Variants in CFAP20DC observed in about 807,000 individuals in gnomAD.
CFAP20DC encodes the protein CFAP20 domain containing.
CFAP20DC carries 84 observed loss-of-function variants against 101.7 expected under a neutral mutation model. The observed-to-expected ratio is 0.83, with a 90% CI of 0.69 to 0.99. The LOEUF (loss-of-function observed/expected upper bound fraction) is 0.99, where lower values mean the gene tolerates loss of function less well. Ranked by LOEUF, CFAP20DC falls within the 50% of genes least tolerant of loss-of-function variation. The pLI, the probability that CFAP20DC is intolerant of heterozygous loss-of-function variation, is 0.00. For synonymous variants in CFAP20DC, 359 were observed against 351.2 expected, an observed-to-expected ratio of 1.02 and a Z score of -0.25; for missense variants, 1,007 against 970.3, an observed-to-expected ratio of 1.04 and a Z score of -0.50.
chr3:58,936,988 A>C (rs2087767595), intron 5 of CFAP20DC, among the ~76,000 whole-genome samples: 1 of 152,124 alleles, frequency 6.6e-6, no homozygotes, highest in Non-Finnish European at 1.5e-5. Context: ...TGTTGATTTA[A>C]AGGAAAGTAT....
chr3:58,760,898 G>A (rs2069508517), intron 15 of CFAP20DC, among the ~76,000 whole-genome samples: 1 of 152,176 alleles, frequency 6.6e-6, no homozygotes, highest in Admixed American at 6.5e-5. Flanking sequence ...CTTGATCATG[G>A]TGGATAAGCT....
chr3:58,959,839 C>T (rs1357105743), intron 4 of CFAP20DC, among the ~76,000 whole-genome samples: 2 of 152,168 alleles, frequency 1.3e-5, no homozygotes, highest in Non-Finnish European at 2.9e-5. Flanking sequence ...AATGAATTTG[C>T]AGAAGATTGT....
In CFAP20DC at chr3:58,896,199, C is replaced by A. The variant is rs576202304; in HGVS notation, c.551-11490G>T. Among the ~76,000 whole-genome samples the A allele has an allele frequency of 3.3e-5, 5 of 152,284 alleles. No homozygotes were observed. The South Asian group carries it at 1.0e-3, about 32-fold the overall frequency. On this transcript the variant is annotated intron_variant, in intron 6 of 16. Coordinates refer to ENST00000482387, the MANE Select transcript of CFAP20DC (RefSeq NM_001394063.1). ...TGTGCATAGAGGTGTTTATACTATT[C>A]TCTGATGGTTGTTTGCAATTTTGTG...
intron 4 of CFAP20DC, among the ~76,000 whole-genome samples, chr3:58,961,727 G>GT (rs148888861): frequency 3.8e-4 from 55 of 146,198 alleles, no homozygotes; most frequent in East Asian, 6.0e-4. Flanking sequence ...GAAATTTTCT[G>GT]TTTTTTTTTT....
At chr3:58,754,858 C>G (rs980709668) in intron 15 of CFAP20DC, among the ~76,000 whole-genome samples, 8 of 152,040 alleles carry the variant, frequency 5.3e-5, no homozygotes, top group African/African-American at 1.9e-4. Flanking sequence ...GAGATAATAA[C>G]AAAAGAGTTG....
rs1010723482 is a variant in CFAP20DC, at chr3:59,007,251, T to C, written c.278+32306A>G. 6.6e-6 allele frequency among the ~76,000 whole-genome samples: 1 copy of C among 152,172 alleles called. No homozygotes were observed. Among genetic ancestry groups the C allele is most frequent in the African/African-American group, 2.4e-5 (1 of 41,434 alleles). On this transcript the variant is annotated intron_variant, in intron 4 of 16. Transcript: ENST00000482387. The surrounding 1 kb of genome is among the most constrained non-coding windows in gnomAD (Gnocchi z 4.4). ...CTGCCCCCATCTGAAGGTACTCCTC[T>C]ACCCGCCCTGGTAGCTGAACACAAA... is the stretch of plus-strand genomic sequence containing the variant.
In CFAP20DC at chr3:58,959,881, T is replaced by G. The variant is rs145731476; in HGVS notation, c.279-22119A>C. Among the ~76,000 whole-genome samples the G allele has an allele frequency of 2.7e-3, 411 of 152,346 alleles. 1 individual carries two copies. Among genetic ancestry groups the G allele is most frequent in the African/African-American group, 9.3e-3 (387 of 41,584 alleles). On this transcript the variant is annotated intron_variant, in intron 4 of 16. Coordinates refer to ENST00000482387, the MANE Select transcript of CFAP20DC (RefSeq NM_001394063.1). Reference sequence around the variant, plus strand: ...AACAATACTGAATCTTCCAAATCAATGTCTCTGCATTTATTTAGATGTTTA... The same window carrying G: ...AACAATACTGAATCTTCCAAATCAAGGTCTCTGCATTTATTTAGATGTTTA...
chr3:58,785,183 A>G (rs2072218085), intron 15 of CFAP20DC, among the ~76,000 whole-genome samples: 2 of 152,124 alleles, frequency 1.3e-5, no homozygotes, highest in African/African-American at 2.4e-5. Flanking sequence ...CCAAGCACAG[A>G]AAGACAAATA....
At chr3:58,763,549 T>C (rs1011273718) in intron 15 of CFAP20DC, among the ~76,000 whole-genome samples, 1 of 152,244 alleles carries the variant, frequency 6.6e-6, no homozygotes, top group African/African-American at 2.4e-5. Context: ...GTCAAAGTCA[T>C]TCTCCGTCCA....
At chr3:58,848,018 G>A (rs1435335299) in intron 13 of CFAP20DC, among the ~76,000 whole-genome samples, 1 of 115,604 alleles carries the variant, frequency 8.7e-6, no homozygotes, top group African/African-American at 3.3e-5. Context: ...GGACTGTTGT[G>A]GGGTGGGGGG....
At chr3:58,848,755 T>G (rs1315083601) in intron 13 of CFAP20DC, among the ~76,000 whole-genome samples, 1 of 152,146 alleles carries the variant, frequency 6.6e-6, no homozygotes, top group Non-Finnish European at 1.5e-5. Context: ...AACTACAAAT[T>G]ATGGGAAGTA....
At chr3:58,997,019 T>A (rs2093158211) in intron 4 of CFAP20DC, among the ~76,000 whole-genome samples, 1 of 152,196 alleles carries the variant, frequency 6.6e-6, no homozygotes, top group Admixed American at 6.5e-5. Context: ...TCTGGCCTTG[T>A]GGAGGATTAC....
At chr3:58,763,031 T>C (rs2107395789) in intron 15 of CFAP20DC, among the ~76,000 whole-genome samples, 1 of 152,310 alleles carries the variant, frequency 6.6e-6, no homozygotes, top group Non-Finnish European at 1.5e-5. Flanking sequence ...GTTGCTCTTC[T>C]GGAGGAGTAT....
In CFAP20DC at chr3:58,894,468, A is replaced by C. The variant is rs1460372380; in HGVS notation, c.551-9759T>G. Among the ~76,000 whole-genome samples, 1 of 152,228 alleles carries C rather than the reference A, an allele frequency of 6.6e-6. No homozygotes were observed. The highest frequency in any genetic ancestry group is 1.9e-4 in the East Asian group (1 of 5,200). On this transcript the variant is annotated intron_variant, in intron 6 of 16. Transcript: ENST00000482387. This position sits in a 1 kb window ranked among gnomAD's most constrained non-coding sequence, Gnocchi z 4.1. ...AGGGCAGTCAAATCTCAAAGCTCCA[A>C]AATGATCTCCTTTGACTCCATGTCT...
At chr3:58,979,554 G>C (rs2092430911) in intron 4 of CFAP20DC, among the ~76,000 whole-genome samples, 1 of 152,138 alleles carries the variant, frequency 6.6e-6, no homozygotes, top group Non-Finnish European at 1.5e-5. Context: ...TGACAAGAAT[G>C]AAATTCAGGC....
chr3:58,816,060 C>T (rs1186514383), intron 14 of CFAP20DC, among the ~76,000 whole-genome samples: 10 of 151,886 alleles, frequency 6.6e-5, no homozygotes, highest in African/African-American at 9.7e-5. Context: ...CACATGCACA[C>T]GTATATTTAT....
intron 15 of CFAP20DC, among the ~76,000 whole-genome samples, chr3:58,774,283 TA>T (rs1249946749): frequency 6.6e-6 from 1 of 152,178 alleles, no homozygotes; most frequent in Non-Finnish European, 1.5e-5. Context: ...TGTTAAACAG[TA>T]AAGTGTGACA....
At chr3:58,730,929 G>A (rs2067633299) in intron 3 of CFAP20DC, among the ~76,000 whole-genome samples, 1 of 152,136 alleles carries the variant, frequency 6.6e-6, no homozygotes, top group Non-Finnish European at 1.5e-5. Context: ...TCTGCTTGGA[G>A]AAAACACGGA....
intron 15 of CFAP20DC, among the ~76,000 whole-genome samples, chr3:58,779,805 A>T (rs78082976): frequency 0.026 from 3,986 of 152,296 alleles, 191 homozygotes; most frequent in African/African-American, 0.09. Flanking sequence ...CAAATTGATA[A>T]TGGAAAAATT....
Sources: allele counts gnomAD v4.1 joint callset (sites outside exome capture counted in the v4.1 genomes callset), GRCh38; gene constraint gnomAD v4.1.1; non-coding constraint Gnocchi (gnomAD v3.1); transcripts MANE v1.5; gene names NCBI Gene and HGNC (gene_info 2026-07-23, HGNC 2026-07-21).